The following UGGT2 variants were observed in gnomAD, a reference collection of about 807,000 sequenced individuals.
UGGT2 encodes the protein UDP-glucose:glycoprotein glucosyltransferase 2.
A neutral mutation model predicts 192.1 loss-of-function variants in UGGT2; 180 were observed. The observed-to-expected ratio is 0.94, with a 90% CI of 0.83 to 1.06. The LOEUF (loss-of-function observed/expected upper bound fraction) is 1.06, where lower values mean the gene tolerates loss of function less well. Among genes scored for constraint, UGGT2 ranks in the 50% least tolerant of loss-of-function variants. The pLI is 0.00. For synonymous variants in UGGT2, 580 were observed against 591.0 expected, an observed-to-expected ratio of 0.98 and a Z score of 0.27; for missense variants, 1,849 against 1,795.7, an observed-to-expected ratio of 1.03 and a Z score of -0.54.
At chr13:96,029,684 T>G (rs1447355452) in intron 2 of UGGT2, among the ~76,000 whole-genome samples, 1 of 152,216 alleles carries the variant, frequency 6.6e-6, no homozygotes, top group Non-Finnish European at 1.5e-5. Context: ...ACTCCTGAGC[T>G]TATATTCCAG....
At chr13:95,821,537 T>G (rs1014474669) in intron 38 of UGGT2, among the ~76,000 whole-genome samples, 1 of 152,160 alleles carries the variant, frequency 6.6e-6, no homozygotes, top group African/African-American at 2.4e-5. Flanking sequence ...GTTGTAGGTT[T>G]AGTCTGATGA....
intron 20 of UGGT2, among the ~76,000 whole-genome samples, chr13:95,910,393 A>G (rs1487955360): frequency 1.3e-5 from 2 of 152,206 alleles, no homozygotes; most frequent in African/African-American, 2.4e-5. Flanking sequence ...GGATGGAGGA[A>G]GATCTACCAA....
intron 16 of UGGT2, among the ~76,000 whole-genome samples, chr13:95,937,933 G>C (rs780705765): frequency 3.3e-5 from 5 of 151,976 alleles, no homozygotes; most frequent in African/African-American, 4.9e-5. Flanking sequence ...CCCACATGTT[G>C]TGGGGGGACC....
At chr13:95,863,020 A>C (rs1362199668) in intron 31 of UGGT2, among the ~76,000 whole-genome samples, 1 of 151,926 alleles carries the variant, frequency 6.6e-6, no homozygotes, top group Admixed American at 6.6e-5. Flanking sequence ...ATGCCATCAC[A>C]ACAGGCTAAT....
At chr13:95,920,414 A>G (rs1392728197) in intron 20 of UGGT2, among the ~76,000 whole-genome samples, 1 of 152,170 alleles carries the variant, frequency 6.6e-6, no homozygotes, top group Non-Finnish European at 1.5e-5. Context: ...GAGAACACAT[A>G]ATCTATGAAA....
intron 12 of UGGT2, among the ~76,000 whole-genome samples, chr13:95,958,916 C>A (rs1308655471): frequency 6.6e-6 from 1 of 152,182 alleles, no homozygotes; most frequent in Non-Finnish European, 1.5e-5. Context: ...CATGGAAAAG[C>A]CCCTTCACCC....
Position 95,894,592 on chromosome 13 carries a change from T to C in UGGT2, c.2825A>G (p.Tyr942Cys), listed in dbSNP as rs753072480. The part of the protein sequence containing the change: ...MSSVPKRASR[Y>C]DVTFLRENHS... ...ATTCTCCCTAAGAAATGTGACATCA[T>C]ATCGAGATGCACGCTTAGGCACAGA... The change falls in exon 24 of 39, where the codon TAT becomes TGT. Residue 942 changes from tyrosine to cysteine, a missense_variant. By Grantham distance (194) the Tyr-to-Cys change is radical (BLOSUM62 -2). Transcript: ENST00000376747. 2 of 1,610,554 alleles carry C rather than the reference T, an allele frequency of 1.2e-6. No homozygotes were observed. The highest frequency in any genetic ancestry group is 1.7e-6 in the Non-Finnish European group (2 of 1,178,134).
rs530712466 is a variant in UGGT2, at chr13:95,863,621, G to A, written c.3644+8C>T. 5.1e-5 allele frequency: 80 copies of A among 1,583,346 alleles called. 1 individual carries two copies. Among genetic ancestry groups the A allele is most frequent in the South Asian group, 2.9e-4 (26 of 90,442 alleles). On this transcript the variant is annotated splice_region_variant and intron_variant, in intron 31 of 38. Transcript: ENST00000376747. ...TAGTGATGTATTAAAATATTCATTA[G>A]TAATTACCTTTTAATGGAATCCCAC...
intron 24 of UGGT2, among the ~76,000 whole-genome samples, chr13:95,891,299 T>A (rs1299272147): frequency 4.6e-5 from 7 of 152,182 alleles, no homozygotes; most frequent in Admixed American, 3.9e-4. Context: ...TAAGATGCTT[T>A]TGTGTTAGTG....
chr13:95,967,484 T>G (rs1383799359), intron 12 of UGGT2, among the ~76,000 whole-genome samples: 22 of 150,380 alleles, frequency 1.5e-4, no homozygotes, highest in Non-Finnish European at 3.0e-4. Flanking sequence ...TTGTTTTTTT[T>G]TTTTTTTGAG....
chr13:95,804,697 C>T (rs904893244), intron 38 of UGGT2, among the ~76,000 whole-genome samples: 9 of 152,110 alleles, frequency 5.9e-5, no homozygotes, highest in Admixed American at 4.6e-4. Flanking sequence ...GGGAAAATAA[C>T]AGTCTCTTTC....
chr13:95,851,710 AT>A (rs1889064091), intron 36 of UGGT2, among the ~76,000 whole-genome samples: 2 of 152,206 alleles, frequency 1.3e-5, no homozygotes, highest in African/African-American at 4.8e-5. Context: ...TGTTAAGTGG[AT>A]TGGAGGGAGT....
intron 4 of UGGT2, among the ~76,000 whole-genome samples, chr13:96,016,495 G>T (rs973528955): frequency 6.6e-6 from 1 of 152,174 alleles, no homozygotes; most frequent in African/African-American, 2.4e-5. Context: ...GGCTCAAAGG[G>T]GCACAGGTAA....
intron 12 of UGGT2, among the ~76,000 whole-genome samples, chr13:95,952,761 C>A (rs184585869): frequency 1.4e-3 from 217 of 152,200 alleles, no homozygotes; most frequent in African/African-American, 5.2e-3. Context: ...AGGAGACTGA[C>A]ATGTTTTAAT....
At chr13:95,878,254 G>A (rs1159162747) in intron 27 of UGGT2, among the ~76,000 whole-genome samples, 1 of 151,924 alleles carries the variant, frequency 6.6e-6, no homozygotes, top group African/African-American at 2.4e-5. Context: ...AAAAATTAAT[G>A]TCTATAATCA....
chr13:95,936,480 G>A (rs1313959988), intron 17 of UGGT2, among the ~76,000 whole-genome samples: 2 of 152,208 alleles, frequency 1.3e-5, no homozygotes, highest in Non-Finnish European at 2.9e-5. Context: ...CAGACATGGT[G>A]GGCAAGATGG....
chr13:95,807,716 C>CTTTTTTTT, intron 38 of UGGT2, among the ~76,000 whole-genome samples: 14 of 78,694 alleles, frequency 1.8e-4, no homozygotes, highest in African/African-American at 2.6e-4. Context: ...CAGCCCTCAC[C>CTTTTTTTT]TTTTTTTTTT....
At chr13:95,957,038 A>C (rs1357032994) in intron 12 of UGGT2, among the ~76,000 whole-genome samples, 5 of 152,230 alleles carry the variant, frequency 3.3e-5, no homozygotes, top group African/African-American at 1.2e-4. Context: ...ACATGGATGA[A>C]CCCTGAAAAT....
chr13:95,803,261 A>C (rs896695961), intron 38 of UGGT2, among the ~76,000 whole-genome samples: 1 of 151,542 alleles, frequency 6.6e-6, no homozygotes, highest in Non-Finnish European at 1.5e-5. Flanking sequence ...TTTTTGGTTT[A>C]TTTATTTATT....
Sources: gnomAD v4.1 joint callset for allele counts (sites outside exome capture counted in the v4.1 genomes callset) on GRCh38, gnomAD v4.1.1 for gene constraint, MANE v1.5 for transcripts, NCBI Gene and HGNC (gene_info 2026-07-23, HGNC 2026-07-21) for gene names.